MSRA: variants seen among roughly 807,000 people sequenced by gnomAD.
MSRA encodes methionine sulfoxide reductase A, also known as mitochondrial peptide methionine sulfoxide reductase.
A neutral mutation model predicts 31.3 loss-of-function variants in MSRA; 54 were observed. The ratio of observed to expected loss-of-function variants is 1.73; its 90% CI spans 1.39 to 2.17. The LOEUF (loss-of-function observed/expected upper bound fraction) is 2.17, where lower values mean the gene tolerates loss of function less well. Among genes scored for constraint, MSRA ranks in the 30% most tolerant of loss-of-function variants. The probability of loss-of-function intolerance (pLI) is 0.00; values close to 1 mark genes in which losing one functional copy is unlikely to be tolerated. For missense variants in MSRA, 507 were observed against 300.9 expected (o/e 1.69, Z -5.07); for synonymous variants, 169 against 116.5 (o/e 1.45, Z -2.90).
chr8:10,348,293 T>C (rs1430193207), intron 5 of MSRA, among the ~76,000 whole-genome samples: 2 of 151,956 alleles, frequency 1.3e-5, no homozygotes, highest in Non-Finnish European at 2.9e-5. Context: ...TTTTTTTTTC[T>C]TGAGGCCTAC....
At chr8:10,324,656 G>A (rs796665263) in intron 5 of MSRA, among the ~76,000 whole-genome samples, 1 of 152,130 alleles carries the variant, frequency 6.6e-6, no homozygotes, top group Non-Finnish European at 1.5e-5. Flanking sequence ...GCTTAGCCTG[G>A]GTCCCACAGA....
chr8:10,277,345 C>A (rs188528313), intron 3 of MSRA, among the ~76,000 whole-genome samples: 1 of 152,190 alleles, frequency 6.6e-6, no homozygotes, highest in African/African-American at 2.4e-5. Context: ...GTCAGTAACC[C>A]TGGAGCTACT....
intron 2 of MSRA, among the ~76,000 whole-genome samples, chr8:10,218,373 G>T (rs1449809438): frequency 1.3e-5 from 2 of 151,984 alleles, no homozygotes; most frequent in African/African-American, 4.8e-5. Context: ...TCTAACTCCT[G>T]AACTCAGGCG....
chr8:10,068,076 G>A (rs1286475471), intron 1 of MSRA, among the ~76,000 whole-genome samples: 2 of 151,894 alleles, frequency 1.3e-5, no homozygotes, highest in African/African-American at 2.4e-5. Context: ...TAGACATGGG[G>A]TTTCGCTGTG....
intron 1 of MSRA, among the ~76,000 whole-genome samples, chr8:10,161,278 A>T (rs1319598998): frequency 6.6e-6 from 1 of 152,182 alleles, no homozygotes; most frequent in African/African-American, 2.4e-5. Flanking sequence ...TCCCCATTTA[A>T]TTCCTGGTGG....
At chr8:10,123,556 C>G (rs1183080312) in intron 1 of MSRA, among the ~76,000 whole-genome samples, 2 of 152,208 alleles carry the variant, frequency 1.3e-5, no homozygotes, top group South Asian at 2.1e-4. Context: ...TCTTTTGTTG[C>G]AATTGCTTTT....
intron 1 of MSRA, chr8:10,095,597 G>A: frequency 1.0e-6 from 1 of 986,718 alleles, no homozygotes; most frequent in Non-Finnish European, 1.2e-6. Context: ...AGGGAGAGCT[G>A]AGGAAAGAAA....
intron 2 of MSRA, among the ~76,000 whole-genome samples, chr8:10,240,685 G>A (rs74628645): frequency 0.017 from 2,540 of 152,218 alleles, 79 homozygotes; most frequent in African/African-American, 0.057. Context: ...CTGAACTTGG[G>A]CTATTCTTCC....
intron 1 of MSRA, among the ~76,000 whole-genome samples, chr8:10,086,087 G>A (rs1418225058): frequency 6.6e-6 from 1 of 152,176 alleles, no homozygotes; most frequent in Non-Finnish European, 1.5e-5. Flanking sequence ...AGAAATAACT[G>A]GTTCCTATGA....
intron 2 of MSRA, among the ~76,000 whole-genome samples, chr8:10,241,758 T>C (rs563107381): frequency 2.0e-5 from 3 of 152,298 alleles, no homozygotes; most frequent in South Asian, 4.1e-4. Flanking sequence ...GCCCCACCTC[T>C]AGTCTTGCCA....
intron 3 of MSRA, among the ~76,000 whole-genome samples, chr8:10,268,156 G>C (rs897996147): frequency 1.3e-5 from 2 of 152,140 alleles, no homozygotes; most frequent in African/African-American, 4.8e-5. Flanking sequence ...GAGCAGTCCT[G>C]GTGTTGAAGG....
chr8:10,249,149 C>G (rs946607866), intron 3 of MSRA, among the ~76,000 whole-genome samples: 2 of 152,188 alleles, frequency 1.3e-5, no homozygotes, highest in Admixed American at 6.5e-5. Context: ...ACCTCGTGTT[C>G]TGATCCATAC....
intron 1 of MSRA, among the ~76,000 whole-genome samples, chr8:10,071,279 CTTGT>C (rs923366509): frequency 1.4e-4 from 21 of 152,150 alleles, no homozygotes; most frequent in African/African-American, 5.1e-4. Context: ...TTTTAATGTG[CTTGT>C]TTGTCATTTG....
intron 1 of MSRA, among the ~76,000 whole-genome samples, chr8:10,164,042 C>A (rs1456477287): frequency 6.6e-6 from 1 of 152,232 alleles, no homozygotes; most frequent in East Asian, 1.9e-4. Context: ...GTACTTGATT[C>A]TTTAGGTCCT....
rs567470998 is a variant in MSRA, at chr8:10,128,143, C to T, written c.142+73485C>T. On this transcript the variant is annotated intron_variant, in intron 1 of 5. Coordinates refer to ENST00000317173, the MANE Select transcript of MSRA (RefSeq NM_012331.5). ...CTGTAATCCCAGCACTTTGGGAGGC[C>T]GAGGCAGGTGGATCACCCGAGATCA... Among the ~76,000 whole-genome samples the T allele has an allele frequency of 1.4e-4, 22 of 152,076 alleles. 2 individuals are homozygous for T. In the South Asian group the frequency reaches 1.9e-3, roughly 13 times the overall value.
Position 10,071,635 on chromosome 8 carries a change from T to C in MSRA, c.142+16977T>C, listed in dbSNP as rs573850165. Among the ~76,000 whole-genome samples, 6 of 152,288 alleles carry C rather than the reference T, an allele frequency of 3.9e-5. 1 individual carries two copies. Among genetic ancestry groups the C allele is most frequent in the African/African-American group, 1.4e-4 (6 of 41,564 alleles). ...GCTTTTTGTTTTCCTTAAAGTTCTG[T>C]AGTTTTACATTTTATATTTAAGTCT... On this transcript the variant is annotated intron_variant, in intron 1 of 5. Transcript: ENST00000317173.
chr8:10,263,217 C>G (rs868710196), intron 3 of MSRA, among the ~76,000 whole-genome samples: 2 of 152,216 alleles, frequency 1.3e-5, no homozygotes, highest in Middle Eastern at 3.2e-3. Flanking sequence ...CACCCCCAAA[C>G]GAAGTTGCCT....
intron 1 of MSRA, among the ~76,000 whole-genome samples, chr8:10,155,499 G>A (rs77434250): frequency 0.02 from 2,973 of 152,222 alleles, 86 homozygotes; most frequent in African/African-American, 0.066. Flanking sequence ...GCTGAAGAGC[G>A]TAGAAGCTGT....
At chr8:10,415,147 T>G (rs1207486423) in intron 5 of MSRA, among the ~76,000 whole-genome samples, 2 of 152,148 alleles carry the variant, frequency 1.3e-5, no homozygotes, top group African/African-American at 4.8e-5. Flanking sequence ...GACCCTGAGT[T>G]TCATGCTCTG....
Sources: allele counts gnomAD v4.1 joint callset (sites outside exome capture counted in the v4.1 genomes callset), GRCh38; gene constraint gnomAD v4.1.1; transcripts MANE v1.5; gene names NCBI Gene and HGNC (gene_info 2026-07-23, HGNC 2026-07-21).